CLASP1: variants seen among roughly 807,000 people sequenced by gnomAD.
The protein encoded by CLASP1 is CLIP-associating protein 1.
A neutral mutation model predicts 192.3 loss-of-function variants in CLASP1; 38 were observed. The observed-to-expected ratio is 0.20, with a 90% CI of 0.15 to 0.26. The LOEUF (loss-of-function observed/expected upper bound fraction) is 0.26. Among genes scored for constraint, CLASP1 ranks in the 10% least tolerant of loss-of-function variants. The probability of loss-of-function intolerance (pLI) is 1.00; values close to 1 mark genes in which losing one functional copy is unlikely to be tolerated. For synonymous variants in CLASP1, 691 were observed against 712.8 expected (o/e 0.97, Z 0.49); for missense variants, 1,433 against 1,932.5 (o/e 0.74, Z 4.85).
chr2:121,619,140 A>G (rs551785309), intron 1 of CLASP1, among the ~76,000 whole-genome samples: 1 of 152,350 alleles, frequency 6.6e-6, no homozygotes, highest in East Asian at 1.9e-4. Flanking sequence ...TCCAAACACA[A>G]TGTAAAAGCA....
At chr2:121,375,201 C>T (rs763937608) in intron 34 of CLASP1, among the ~76,000 whole-genome samples, 33 of 152,128 alleles carry the variant, frequency 2.2e-4, no homozygotes, top group Middle Eastern at 3.4e-3. Flanking sequence ...ACAGCACTTC[C>T]CTCTTCACTC....
chr2:121,501,026 G>C (rs1336202684), intron 8 of CLASP1, among the ~76,000 whole-genome samples: 1 of 152,116 alleles, frequency 6.6e-6, no homozygotes, highest in African/African-American at 2.4e-5. Flanking sequence ...GCATTCCTGA[G>C]GGTGAAATCC....
intron 34 of CLASP1, among the ~76,000 whole-genome samples, chr2:121,375,010 A>T (rs6722014): frequency 0.19 from 28,392 of 152,032 alleles, 4,748 homozygotes; most frequent in African/African-American, 0.45. Context: ...GAGATATGGG[A>T]GGGGCCGGGG....
chr2:121,348,374 C>A (rs746549469), intron 38 of CLASP1, 138 bp downstream of exon 39: 49 of 706,240 alleles, frequency 6.9e-5, no homozygotes, highest in Non-Finnish European at 8.9e-5. Context: ...AGTGTCCCTG[C>A]CACACGGCCT....
intron 4 of CLASP1, 131 bp downstream of exon 4, chr2:121,528,546 A>T: frequency 1.4e-6 from 1 of 701,506 alleles, no homozygotes; most frequent in Non-Finnish European, 2.5e-6. Context: ...AATGCTGTGA[A>T]AATTTTTATC....
intron 6 of CLASP1, among the ~76,000 whole-genome samples, chr2:121,519,273 G>A (rs1273462841): frequency 6.6e-6 from 1 of 152,192 alleles, no homozygotes; most frequent in Non-Finnish European, 1.5e-5. Flanking sequence ...ATATTTGAGT[G>A]CCTACTAGGT....
chr2:121,639,505 CAG>C (rs1332675936), intron 1 of CLASP1, among the ~76,000 whole-genome samples: 2 of 151,996 alleles, frequency 1.3e-5, no homozygotes, highest in Non-Finnish European at 2.9e-5. Context: ...GATTTGGAAA[CAG>C]ATTATGGCAA....
At chr2:121,533,637 C>A (rs1280981588) in intron 2 of CLASP1, among the ~76,000 whole-genome samples, 2 of 152,134 alleles carry the variant, frequency 1.3e-5, no homozygotes, top group African/African-American at 4.8e-5. Context: ...ATTCTAAAGT[C>A]ACGAATAAAA....
intron 19 of CLASP1, among the ~76,000 whole-genome samples, chr2:121,431,797 T>C (rs2081469247): frequency 6.6e-6 from 1 of 151,686 alleles, no homozygotes; most frequent in South Asian, 2.1e-4. Flanking sequence ...AACTCTGTGG[T>C]TTTGTTTTAC....
intron 6 of CLASP1, among the ~76,000 whole-genome samples, chr2:121,524,707 T>A (rs952178513): frequency 1.3e-5 from 2 of 152,238 alleles, no homozygotes; most frequent in Admixed American, 1.3e-4. Flanking sequence ...TCCACCCACC[T>A]TGGCCTCCTA....
chr2:121,462,443 AAAC>A (rs1387888442), intron 10 of CLASP1, 86 bp downstream of exon 10: 7 of 729,772 alleles, frequency 9.6e-6, no homozygotes, highest in African/African-American at 1.8e-5. Context: ...CTGACCTAGT[AAAC>A]AACATTACAT....
At chr2:121,350,266 T>C (rs1042346352) in intron 37 of CLASP1, among the ~76,000 whole-genome samples, 1 of 152,180 alleles carries the variant, frequency 6.6e-6, no homozygotes, top group African/African-American at 2.4e-5. Context: ...ATCCCAGCCC[T>C]TGTGAGTGAA....
At chr2:121,367,730 G>C in exon 35 of CLASP1, 6 of 1,613,986 alleles carry the variant, frequency 3.7e-6, no homozygotes, top group Non-Finnish European at 5.1e-6. Context: ...GCTGGGTGTT[G>C]AGTAGTGAGG....
At chr2:121,643,587 A>T (rs1183402604) in intron 1 of CLASP1, among the ~76,000 whole-genome samples, 1 of 152,208 alleles carries the variant, frequency 6.6e-6, no homozygotes, top group Non-Finnish European at 1.5e-5. Context: ...AATCATTTTT[A>T]TCTTTTAAAT....
At chr2:121,340,526 C>T (rs763122628) in exon 40 of CLASP1, 4 of 221,756 alleles carry the variant, frequency 1.8e-5, no homozygotes, top group Admixed American at 5.2e-5. Context: ...CTACTTTCTA[C>T]CAAGTAGTGG....
intron 34 of CLASP1, among the ~76,000 whole-genome samples, chr2:121,372,185 A>G (rs1013979752): frequency 1.3e-5 from 2 of 152,356 alleles, no homozygotes; most frequent in East Asian, 1.9e-4. Flanking sequence ...AAATAATCCA[A>G]TGGAGCCCTT....
intron 2 of CLASP1, among the ~76,000 whole-genome samples, chr2:121,604,574 G>A (rs1186479194): frequency 6.6e-6 from 1 of 152,138 alleles, no homozygotes; most frequent in Non-Finnish European, 1.5e-5. Flanking sequence ...AGGCTGAGGT[G>A]GGAGGATTGC....
chr2:121,550,083 A>T (rs1162548274), intron 2 of CLASP1, among the ~76,000 whole-genome samples: 1 of 152,038 alleles, frequency 6.6e-6, no homozygotes, highest in Admixed American at 6.5e-5. Flanking sequence ...ATAGAAGTCA[A>T]GACCAAGAAA....
At position 121,427,435 on chromosome 2, in the gene CLASP1, AT is replaced by A. The variant is rs2080618528; in HGVS notation, c.2018-6del. Reference sequence around the variant, plus strand: ...CAGGATTAGCAGATCTGGATCCTTGATTATGAGAGCAGACCAAAGGACAGGC... The same window carrying A: ...CAGGATTAGCAGATCTGGATCCTTGATATGAGAGCAGACCAAAGGACAGGC... On this transcript the variant is annotated splice_region_variant and splice_polypyrimidine_tract_variant and intron_variant, in intron 20 of 39. Transcript: ENST00000263710. 6.2e-7 allele frequency: 1 copy of A among 1,612,716 alleles called. No homozygotes were observed. Among genetic ancestry groups the A allele is most frequent in the Non-Finnish European group, 8.5e-7 (1 of 1,179,556 alleles).
Sources: gnomAD v4.1 joint callset for allele counts (sites outside exome capture counted in the v4.1 genomes callset) on GRCh38, gnomAD v4.1.1 for gene constraint, MANE v1.5 for transcripts, NCBI Gene and HGNC (gene_info 2026-07-23, HGNC 2026-07-21) for gene names.